SPECC1: variants seen among roughly 807,000 people sequenced by gnomAD.
The protein encoded by SPECC1 is cytospin-B.
A neutral mutation model predicts 104.1 loss-of-function variants in SPECC1; 62 were observed. That is an observed-to-expected ratio of 0.60 (90% confidence interval 0.49 to 0.74). The LOEUF (loss-of-function observed/expected upper bound fraction) is 0.74. SPECC1 is among the 30% of genes least tolerant of loss of function. SPECC1 has a pLI of 0.00. For missense variants in SPECC1, 1,306 were observed against 1,310.5 expected (o/e 1.00, Z 0.05); for synonymous variants, 513 against 501.6 (o/e 1.02, Z -0.30).
chr17:20,185,039 C>T (rs1597910330), intron 3 of SPECC1: 1 of 152,188 alleles, frequency 6.6e-6, no homozygotes, highest in African/African-American at 2.4e-5. Flanking sequence ...GCTGATTGTC[C>T]ACAGAATTCA....
intron 1 of SPECC1, among the ~76,000 whole-genome samples, chr17:20,088,030 T>C (rs2047244249): frequency 6.6e-6 from 1 of 152,040 alleles, no homozygotes; most frequent in Admixed American, 6.5e-5. Flanking sequence ...TAGCTGCACA[T>C]GCTCAGGGAG....
At chr17:20,120,109 C>T (rs1211108988) in intron 3 of SPECC1, among the ~76,000 whole-genome samples, 1 of 152,136 alleles carries the variant, frequency 6.6e-6, no homozygotes, top group African/African-American at 2.4e-5. Flanking sequence ...TCAGTACTGC[C>T]GGGTGGGGTG....
At chr17:20,100,646 T>G (rs2047902606) in intron 2 of SPECC1, among the ~76,000 whole-genome samples, 1 of 152,152 alleles carries the variant, frequency 6.6e-6, no homozygotes, top group South Asian at 2.1e-4. Flanking sequence ...TAATTCGAAT[T>G]ATTATTTTTT....
At chr17:20,205,933 A>C in intron 4 of SPECC1, 21 bp downstream of exon 4, 11 of 1,588,926 alleles carry the variant, frequency 6.9e-6, no homozygotes, top group Non-Finnish European at 9.4e-6. Context: ...ACAGCTCTTT[A>C]CTGGTATTTG....
At chr17:20,189,760 A>T (rs984547580) in intron 3 of SPECC1, among the ~76,000 whole-genome samples, 2 of 152,120 alleles carry the variant, frequency 1.3e-5, no homozygotes, top group Admixed American at 6.6e-5. Flanking sequence ...GGAGGAGTAG[A>T]TTTACAAGCA....
chr17:20,085,797 A>G (rs904707427), intron 1 of SPECC1, among the ~76,000 whole-genome samples: 3 of 151,670 alleles, frequency 2.0e-5, no homozygotes, highest in South Asian at 4.2e-4. Flanking sequence ...GCAATGGCGG[A>G]CTCCCGCTGC....
intron 1 of SPECC1, among the ~76,000 whole-genome samples, chr17:20,019,447 C>T (rs1168118387): frequency 2.0e-5 from 3 of 152,144 alleles, no homozygotes. Flanking sequence ...GAGTGGAGAA[C>T]ATTTCCTGAT....
chr17:20,278,217 C>T (rs376022264), intron 12 of SPECC1, among the ~76,000 whole-genome samples: 1 of 152,290 alleles, frequency 6.6e-6, no homozygotes, highest in African/African-American at 2.4e-5. Context: ...AAGATTAGAT[C>T]CACCATGTCC....
intron 12 of SPECC1, among the ~76,000 whole-genome samples, chr17:20,271,764 GT>G (rs905637512): frequency 1.0e-4 from 15 of 145,778 alleles, no homozygotes; most frequent in African/African-American, 2.3e-4. Flanking sequence ...TTTCCCCTTT[GT>G]TTTTTTTTCC....
At position 20,245,961 on chromosome 17, in the gene SPECC1, A is replaced by G. The variant is rs773731874; in HGVS notation, c.2387A>G (p.Asp796Gly). 1.5e-5 allele frequency: 25 copies of G among 1,614,176 alleles called. No individual in the cohort carries two copies. The highest frequency in any genetic ancestry group is 2.1e-5 in the Non-Finnish European group (25 of 1,180,032). ...GAAGAGCCAGAGTCCTCTGAGGTCG[A>G]TGCTGCTGGTCGGTGGCCTGGTGTC... ...VDEEPESSEV[D>G]AAGRWPGVCV... The change falls in exon 8 of 15, where the codon GAT (aspartate) becomes GGT (glycine). Residue 796 changes from aspartate (D) to glycine (G), a missense_variant. Physicochemically the swap from Asp to Gly is moderately conservative, Grantham distance 94. Transcript: ENST00000395527.
intron 3 of SPECC1, among the ~76,000 whole-genome samples, chr17:20,197,607 T>G (rs2036123707): frequency 6.6e-6 from 1 of 152,192 alleles, no homozygotes; most frequent in African/African-American, 2.4e-5. Flanking sequence ...ACATGAACCC[T>G]AAAATTCCTG....
At chr17:20,015,699 C>T (rs1385096125) in intron 1 of SPECC1, among the ~76,000 whole-genome samples, 1 of 149,516 alleles carries the variant, frequency 6.7e-6, no homozygotes, top group Non-Finnish European at 1.5e-5. Flanking sequence ...ATTCTCCTGC[C>T]TCAGCCTCCC....
intron 3 of SPECC1, among the ~76,000 whole-genome samples, chr17:20,194,805 A>G (rs1033270692): frequency 6.6e-6 from 1 of 152,096 alleles, no homozygotes; most frequent in Non-Finnish European, 1.5e-5. Flanking sequence ...TGCCCAGCCA[A>G]GAAAACAGAT....
At chr17:20,290,736 C>CGT (rs1437601621) in intron 12 of SPECC1, among the ~76,000 whole-genome samples, 1 of 152,120 alleles carries the variant, frequency 6.6e-6, no homozygotes, top group Non-Finnish European at 1.5e-5. Flanking sequence ...AGGCTGGTCT[C>CGT]GAACTCCTAA....
At chr17:20,176,996 C>T (rs758018472) in intron 3 of SPECC1, among the ~76,000 whole-genome samples, 5 of 152,216 alleles carry the variant, frequency 3.3e-5, no homozygotes, top group Admixed American at 6.5e-5. Context: ...ACTTGCACAG[C>T]GGTACCCTGA....
chr17:20,206,521 T>C (rs1289659182), intron 4 of SPECC1, among the ~76,000 whole-genome samples: 1 of 152,230 alleles, frequency 6.6e-6, no homozygotes, highest in Non-Finnish European at 1.5e-5. Flanking sequence ...AAAACTTTTC[T>C]CAGCATATTC....
Position 20,312,675 on chromosome 17 carries a change from A to G in SPECC1, c.3118-1301A>G, listed in dbSNP as rs180771651. Among the ~76,000 whole-genome samples the G allele has an allele frequency of 9.2e-5, 14 of 152,356 alleles. No homozygotes were observed. In the East Asian group the frequency reaches 1.9e-3, roughly 21 times the overall value. ...CCTCAGTCTGTGTGCAGTCATGACT[A>G]CAGCCAGTGTAGGTAGAAGGAGACA... On this transcript the variant is annotated intron_variant, in intron 14 of 14. Transcript: ENST00000395527.
chr17:20,147,599 A>C (rs185313141), intron 3 of SPECC1, among the ~76,000 whole-genome samples: 1 of 152,208 alleles, frequency 6.6e-6, no homozygotes, highest in Non-Finnish European at 1.5e-5. Flanking sequence ...TGATAGATGA[A>C]AAAAATTGGC....
chr17:20,182,533 C>A (rs377418869), intron 3 of SPECC1, among the ~76,000 whole-genome samples: 5 of 152,142 alleles, frequency 3.3e-5, no homozygotes, highest in East Asian at 3.9e-4. Context: ...CTCATAGTTA[C>A]AAGTATTGTT....
Sources: allele counts gnomAD v4.1 joint callset (sites outside exome capture counted in the v4.1 genomes callset), GRCh38; gene constraint gnomAD v4.1.1; transcripts MANE v1.5; gene names NCBI Gene and HGNC (gene_info 2026-07-23, HGNC 2026-07-21).